ADGRV1: variants seen among roughly 807,000 people sequenced by gnomAD.
ADGRV1 encodes the protein adhesion G protein-coupled receptor V1.
A neutral mutation model predicts 596.2 loss-of-function variants in ADGRV1; 359 were observed. The ratio of observed to expected loss-of-function variants is 0.60; its 90% CI spans 0.55 to 0.66. The LOEUF (loss-of-function observed/expected upper bound fraction) is 0.66. Ranked by LOEUF, ADGRV1 falls within the 30% of genes least tolerant of loss-of-function variation. The probability of loss-of-function intolerance (pLI) is 0.00; values close to 1 mark genes in which losing one functional copy is unlikely to be tolerated. For missense variants in ADGRV1, 7,274 were observed against 7,575.6 expected, an observed-to-expected ratio of 0.96 and a Z score of 1.48; for synonymous variants, 2,681 against 2,679.2, an observed-to-expected ratio of 1.00 and a Z score of -0.02.
intron 5 of ADGRV1, among the ~76,000 whole-genome samples, chr5:90,624,198 C>T (rs1390247100): frequency 6.6e-6 from 1 of 152,064 alleles, no homozygotes. Flanking sequence ...ATGAAAAACA[C>T]AGTAAACACT....
At chr5:91,135,298 C>T (rs746668322) in intron 87 of ADGRV1, among the ~76,000 whole-genome samples, 59 of 152,192 alleles carry the variant, frequency 3.9e-4, no homozygotes, top group Non-Finnish European at 7.6e-4. Flanking sequence ...CATACATTCC[C>T]GGGGGCTTTA....
At chr5:90,758,160 G>A (rs1212613732) in intron 57 of ADGRV1, among the ~76,000 whole-genome samples, 4 of 152,006 alleles carry the variant, frequency 2.6e-5, no homozygotes, top group South Asian at 2.1e-4. Context: ...GTGAAACCCC[G>A]TCTGTACTAG....
chr5:90,965,767 A>C (rs1286745373), intron 84 of ADGRV1, among the ~76,000 whole-genome samples: 2 of 152,240 alleles, frequency 1.3e-5, no homozygotes, highest in African/African-American at 4.8e-5. Context: ...GAGTGGTTAG[A>C]GATGAAGTCT....
At chr5:90,616,729 C>T (rs1007325398) in intron 2 of ADGRV1, among the ~76,000 whole-genome samples, 1 of 152,142 alleles carries the variant, frequency 6.6e-6, no homozygotes, top group Non-Finnish European at 1.5e-5. Flanking sequence ...TCACTTCAAA[C>T]ATTAATCTTT....
intron 52 of ADGRV1, among the ~76,000 whole-genome samples, chr5:90,749,884 A>G (rs535828590): frequency 2.0e-5 from 3 of 152,346 alleles, no homozygotes; most frequent in Non-Finnish European, 4.4e-5. Flanking sequence ...TAATTCTATC[A>G]TAAGGGAAAG....
At position 90,810,338 on chromosome 5, in the gene ADGRV1, T is replaced by C. The variant is rs371632998; in HGVS notation, c.15078T>C (p.His5026=). Residue 5026 remains histidine (H), a synonymous_variant, in exon 74 of 90, where the codon CAT becomes CAC. Transcript: ENST00000405460. ...AAGATACACAGATGATCAGATTACA[T>C]GTACAAAGACTATTTGGGTTCCACA... The part of the protein sequence containing the change: ...VSEDTQMIRL[H]VQRLFGFHSD... 180 of 1,612,984 alleles carry C rather than the reference T, an allele frequency of 1.1e-4. 1 individual carries two copies. The highest frequency in any genetic ancestry group is 1.5e-4 in the Non-Finnish European group (174 of 1,179,520).
At chr5:90,646,161 C>T in intron 16 of ADGRV1, 70 bp downstream of exon 16, 6 of 1,081,300 alleles carry the variant, frequency 5.5e-6, no homozygotes, top group East Asian at 3.0e-5. Context: ...TATATATGCA[C>T]GTGCATATAT....
intron 85 of ADGRV1, among the ~76,000 whole-genome samples, chr5:91,032,598 T>C (rs1784570386): frequency 6.6e-6 from 1 of 151,922 alleles, no homozygotes; most frequent in Non-Finnish European, 1.5e-5. Context: ...ATATATATTT[T>C]ACTAAGTCTC....
intron 52 of ADGRV1, among the ~76,000 whole-genome samples, chr5:90,746,995 A>G (rs1283177165): frequency 6.6e-6 from 1 of 152,210 alleles, no homozygotes; most frequent in African/African-American, 2.4e-5. Flanking sequence ...AATATGTACT[A>G]TATCTGATGG....
chr5:90,842,538 T>G (rs1189232581), intron 78 of ADGRV1, among the ~76,000 whole-genome samples: 1 of 151,922 alleles, frequency 6.6e-6, no homozygotes, highest in Non-Finnish European at 1.5e-5. Context: ...GGCCAACATG[T>G]GAAACCCTGT....
intron 83 of ADGRV1, among the ~76,000 whole-genome samples, chr5:90,959,713 G>A (rs984375519): frequency 2.6e-5 from 4 of 151,818 alleles, no homozygotes; most frequent in Non-Finnish European, 5.9e-5. Context: ...TTCAACAAAT[G>A]GTGCTGAAAA....
chr5:90,945,603 G>A (rs1776505604), intron 83 of ADGRV1, among the ~76,000 whole-genome samples: 1 of 152,192 alleles, frequency 6.6e-6, no homozygotes, highest in African/African-American at 2.4e-5. Context: ...AGCAGTGGAT[G>A]ATACCTAATG....
chr5:90,672,430 G>C (rs1260645474), intron 21 of ADGRV1, 116 bp from the exon 22 acceptor site: 2 of 746,206 alleles, frequency 2.7e-6, no homozygotes, highest in Non-Finnish European at 4.3e-6. Flanking sequence ...GTCCCTTTTA[G>C]AGAGGTAGAA....
chr5:90,716,001 G>T lies in ADGRV1; in HGVS notation c.9185-466G>T, dbSNP rs535916930. Among the ~76,000 whole-genome samples, 4 of 152,250 alleles carry T rather than the reference G, an allele frequency of 2.6e-5. No individual in the cohort carries two copies. In the South Asian group the frequency reaches 6.2e-4, roughly 24 times the overall value. ...CAGCTTGCTTTGTGTTCTTACTGTAGTTCTAATATTTTCTCTTACATTTTC... is the reference window on the plus strand; with the variant it reads ...CAGCTTGCTTTGTGTTCTTACTGTATTTCTAATATTTTCTCTTACATTTTC... On this transcript the variant is annotated intron_variant, in intron 42 of 89. Transcript: ENST00000405460.
At chr5:91,043,800 T>C (rs1158067980) in intron 85 of ADGRV1, among the ~76,000 whole-genome samples, 3 of 151,966 alleles carry the variant, frequency 2.0e-5, no homozygotes, top group African/African-American at 7.2e-5. Context: ...AGACTCCACA[T>C]GGTATGCCCT....
intron 10 of ADGRV1, among the ~76,000 whole-genome samples, chr5:90,636,894 AT>A (rs1766285198): frequency 1.3e-5 from 2 of 152,146 alleles, no homozygotes; most frequent in African/African-American, 4.8e-5. Flanking sequence ...AGCATTAAAT[AT>A]TCCTTTATAT....
intron 83 of ADGRV1, among the ~76,000 whole-genome samples, chr5:90,900,329 C>CTT (rs76476613): frequency 1.4e-3 from 176 of 127,450 alleles, no homozygotes; most frequent in African/African-American, 4.4e-3. Context: ...CATTGCCATT[C>CTT]TTTTTTTTTT....
chr5:91,061,207 G>A (rs1787402910), intron 85 of ADGRV1, among the ~76,000 whole-genome samples: 1 of 152,166 alleles, frequency 6.6e-6, no homozygotes, highest in African/African-American at 2.4e-5. Flanking sequence ...AGAGAACATA[G>A]AGCATTCATA....
chr5:90,810,524 AT>A lies in ADGRV1; in HGVS notation c.15271del (p.Tyr5091ThrfsTer7), dbSNP rs1435790810. 2 of 1,613,818 alleles carry A rather than the reference AT, an allele frequency of 1.2e-6. No homozygotes were observed. The highest frequency in any genetic ancestry group is 1.7e-6 in the Non-Finnish European group (2 of 1,179,746). On this transcript the variant is annotated frameshift_variant, in exon 74 of 90. Coordinates refer to ENST00000405460, the MANE Select transcript of ADGRV1 (RefSeq NM_032119.4). LOFTEE classifies it high-confidence loss of function. ...INDQLSEIEE[F>X]FYINLTSVEI... is the part of the protein sequence containing the mutation. ...ATGATCAGCTTTCTGAGATAGAAGA[AT>A]TTTTTTACATTAACCTTACTTCAGT...
Sources: allele counts gnomAD v4.1 joint callset (sites outside exome capture counted in the v4.1 genomes callset), GRCh38; gene constraint gnomAD v4.1.1; transcripts MANE v1.5; gene names NCBI Gene and HGNC (gene_info 2026-07-23, HGNC 2026-07-21).